Variants in RETREG1 observed in about 807,000 individuals in gnomAD.
The protein encoded by RETREG1 is reticulophagy regulator 1.
Under a neutral mutation model 54.8 loss-of-function variants are expected in RETREG1, and 44 were observed. The ratio of observed to expected loss-of-function variants is 0.80; its 90% CI spans 0.63 to 1.03. The LOEUF is 1.03. RETREG1 is among the 50% of genes least tolerant of loss of function. The probability of loss-of-function intolerance (pLI) is 0.00; values close to 1 mark genes in which losing one functional copy is unlikely to be tolerated. For synonymous variants in RETREG1, 217 were observed against 238.5 expected, an observed-to-expected ratio of 0.91 and a Z score of 0.83; for missense variants, 554 against 605.1, an observed-to-expected ratio of 0.92 and a Z score of 0.89.
chr5:16,479,216 T>C (rs1438173216), intron 5 of RETREG1, among the ~76,000 whole-genome samples: 1 of 151,798 alleles, frequency 6.6e-6, no homozygotes, highest in Non-Finnish European at 1.5e-5. Flanking sequence ...AAGTTTATAA[T>C]TTCTATTCTT....
At chr5:16,477,528 A>C (rs1396763527) in intron 8 of RETREG1, 134 bp downstream of exon 8, 2 of 891,502 alleles carry the variant, frequency 2.2e-6, no homozygotes, top group African/African-American at 3.3e-5. Flanking sequence ...TCAGGACTTC[A>C]TTTTTATAGC....
In RETREG1 at chr5:16,567,453, T is replaced by G. The variant is rs565681316; in HGVS notation, c.428-1660A>C. ...AGAGAATGGTGAGTGCACGAAGGAC[T>G]GCAGTTCATGGGCCACAATCCCTAC... On this transcript the variant is annotated intron_variant, in intron 2 of 8. Coordinates refer to ENST00000306320, the MANE Select transcript of RETREG1 (RefSeq NM_001034850.3). 5.8e-4 allele frequency among the ~76,000 whole-genome samples: 89 copies of G among 152,328 alleles called. 1 individual carries two copies. In the South Asian group the frequency reaches 0.018, roughly 31 times the overall value.
At chr5:16,589,010 C>T (rs929906169) in intron 1 of RETREG1, among the ~76,000 whole-genome samples, 22 of 152,188 alleles carry the variant, frequency 1.4e-4, no homozygotes, top group Admixed American at 2.6e-4. Flanking sequence ...AAAGCTGACC[C>T]GGGTCACTCC....
chr5:16,564,223 G>A (rs1019733485), intron 3 of RETREG1, among the ~76,000 whole-genome samples: 22 of 152,096 alleles, frequency 1.4e-4, no homozygotes, highest in Non-Finnish European at 3.1e-4. Flanking sequence ...GTGCATAATT[G>A]CAATTTAAAA....
At chr5:16,580,079 G>T (rs935427498) in intron 1 of RETREG1, among the ~76,000 whole-genome samples, 1 of 152,146 alleles carries the variant, frequency 6.6e-6, no homozygotes, top group Admixed American at 6.5e-5. Context: ...ATCTAAATAT[G>T]TCCTATGCAG....
chr5:16,586,952 A>T (rs1742640417), intron 1 of RETREG1, among the ~76,000 whole-genome samples: 1 of 152,150 alleles, frequency 6.6e-6, no homozygotes, highest in Non-Finnish European at 1.5e-5. Flanking sequence ...GGGGCAAAAG[A>T]TCTCTCTGGG....
chr5:16,615,269 G>A (rs1302457240), intron 1 of RETREG1, among the ~76,000 whole-genome samples: 3 of 151,424 alleles, frequency 2.0e-5, no homozygotes, highest in East Asian at 1.9e-4. Context: ...GCGTGGTGGC[G>A]GGCGCCTGTA....
At chr5:16,576,978 C>T (rs1356376968) in intron 1 of RETREG1, among the ~76,000 whole-genome samples, 4 of 152,108 alleles carry the variant, frequency 2.6e-5, no homozygotes, top group African/African-American at 9.7e-5. Flanking sequence ...TACTTTAATT[C>T]TTAATGTCAT....
chr5:16,478,733 TATA>T, intron 6 of RETREG1, 114 bp downstream of exon 6: 2 of 939,608 alleles, frequency 2.1e-6, no homozygotes, highest in African/African-American at 1.7e-5. Flanking sequence ...GATTAGCTTC[TATA>T]ATAATATTTA....
chr5:16,517,564 C>T (rs1354478616), intron 3 of RETREG1, among the ~76,000 whole-genome samples: 1 of 152,146 alleles, frequency 6.6e-6, no homozygotes, highest in South Asian at 2.1e-4. Flanking sequence ...CCTCACCAGA[C>T]AGACTATCAC....
At chr5:16,614,505 G>A (rs1743436732) in intron 1 of RETREG1, among the ~76,000 whole-genome samples, 1 of 152,204 alleles carries the variant, frequency 6.6e-6, no homozygotes, top group African/African-American at 2.4e-5. Context: ...GGATCAAAAA[G>A]TTTCATAAAA....
chr5:16,522,591 A>G (rs1740569726), intron 3 of RETREG1, among the ~76,000 whole-genome samples: 2 of 152,328 alleles, frequency 1.3e-5, no homozygotes, highest in Non-Finnish European at 2.9e-5. Flanking sequence ...TAAGACTTTC[A>G]TGGTGTTAAT....
At chr5:16,524,525 C>A (rs1045337919) in intron 3 of RETREG1, among the ~76,000 whole-genome samples, 31 of 152,244 alleles carry the variant, frequency 2.0e-4, no homozygotes, top group Admixed American at 2.0e-3. Context: ...CAACGTCATA[C>A]ACACAATTCA....
At chr5:16,573,742 G>GTTTTTTTTTTTTTTT (rs34651832) in intron 1 of RETREG1, among the ~76,000 whole-genome samples, 1 of 126,536 alleles carries the variant, frequency 7.9e-6, no homozygotes, top group Non-Finnish European at 1.6e-5. Flanking sequence ...TTTGTTTTTT[G>GTTTTTTTTTTTTTTT]TTTTTTTTTT....
intron 3 of RETREG1, among the ~76,000 whole-genome samples, chr5:16,549,421 C>T (rs914734800): frequency 7.9e-5 from 12 of 152,200 alleles, no homozygotes; most frequent in Admixed American, 3.9e-4. Flanking sequence ...TTTATTGAAC[C>T]GCTCATATAT....
chr5:16,565,942 C>A, intron 2 of RETREG1, 149 bp from the exon 3 acceptor site: 2 of 831,070 alleles, frequency 2.4e-6, no homozygotes. Context: ...GTGTACACTG[C>A]TGGCACCATG....
intron 1 of RETREG1, among the ~76,000 whole-genome samples, chr5:16,576,299 T>C (rs1399905882): frequency 1.4e-5 from 2 of 148,100 alleles, no homozygotes; most frequent in African/African-American, 2.5e-5. Context: ...TTTTTCTTTT[T>C]TTTTTTTTTT....
chr5:16,500,008 C>T (rs755690840), intron 3 of RETREG1, among the ~76,000 whole-genome samples: 21 of 152,180 alleles, frequency 1.4e-4, no homozygotes, highest in Non-Finnish European at 2.8e-4. Flanking sequence ...CTAGGGCAGG[C>T]CAACTCTGCA....
intron 1 of RETREG1, among the ~76,000 whole-genome samples, chr5:16,604,379 A>G (rs1307289383): frequency 6.6e-6 from 1 of 151,890 alleles, no homozygotes; most frequent in Non-Finnish European, 1.5e-5. Context: ...AAATAAGGAA[A>G]CTCCACCAAG....
Sources: gnomAD v4.1 joint callset for allele counts (sites outside exome capture counted in the v4.1 genomes callset) on GRCh38, gnomAD v4.1.1 for gene constraint, MANE v1.5 for transcripts, NCBI Gene and HGNC (gene_info 2026-07-23, HGNC 2026-07-21) for gene names.